Variants in AHCYL2 observed in about 807,000 individuals in gnomAD.
AHCYL2 encodes adenosylhomocysteinase like 2, also known as S-adenosylhomocysteine hydrolase-like protein 2.
In AHCYL2, 28 loss-of-function variants were observed where a neutral mutation model predicts 81.4. That is an observed-to-expected ratio of 0.34 (90% confidence interval 0.25 to 0.47). The LOEUF is 0.47. Among genes scored for constraint, AHCYL2 ranks in the 20% least tolerant of loss-of-function variants. AHCYL2 has a pLI of 1.00. For missense variants in AHCYL2, 551 were observed against 785.1 expected, an observed-to-expected ratio of 0.70 and a Z score of 3.56; for synonymous variants, 272 against 290.2, an observed-to-expected ratio of 0.94 and a Z score of 0.64.
chr7:129,379,748 A>G lies in AHCYL2; in HGVS notation c.474A>G (p.Ser158=), dbSNP rs746235299. Residue 158 remains serine, a splice_region_variant and synonymous_variant, in exon 2 of 17, where the codon TCA becomes TCG. Coordinates refer to ENST00000325006, the MANE Select transcript of AHCYL2 (RefSeq NM_015328.4). Reference sequence around the variant, plus strand: ...AGTCATCTACTGACAGCTACAGCTCAGGTGAGTACTGAACTGCTGTGGACC... The same window carrying G: ...AGTCATCTACTGACAGCTACAGCTCGGGTGAGTACTGAACTGCTGTGGACC... ...ISQSSTDSYS[S]AASYTDSSDD... is the part of the protein sequence containing the mutation. The G allele has an allele frequency of 1.9e-6, 3 of 1,609,780 alleles. No homozygotes were observed. The highest frequency in any genetic ancestry group is 1.3e-5 in the African/African-American group (1 of 74,968).
intron 6 of AHCYL2, 128 bp downstream of exon 6, chr7:129,400,512 G>C: frequency 2.5e-6 from 2 of 787,482 alleles, no homozygotes; most frequent in Non-Finnish European, 4.0e-6. Flanking sequence ...TGATATACCT[G>C]GGTTTCCAGC....
At chr7:129,425,168 C>T in intron 15 of AHCYL2, 27 bp downstream of exon 15, 1 of 1,597,172 alleles carries the variant, frequency 6.3e-7, no homozygotes, top group Non-Finnish European at 8.6e-7. Context: ...CCATCTCCAT[C>T]CTTACCAAAG....
intron 1 of AHCYL2, among the ~76,000 whole-genome samples, chr7:129,245,044 T>G (rs1021418931): frequency 5.4e-4 from 63 of 116,286 alleles, no homozygotes; most frequent in Non-Finnish European, 9.4e-4. Flanking sequence ...TTTTTTTTTT[T>G]GACAGAGTCT....
intron 1 of AHCYL2, among the ~76,000 whole-genome samples, chr7:129,345,886 G>C (rs995935738): frequency 1.3e-5 from 2 of 152,108 alleles, no homozygotes; most frequent in Non-Finnish European, 2.9e-5. Flanking sequence ...CAGGTTTGGG[G>C]GGGTAAGATG....
chr7:129,305,668 C>T lies in AHCYL2; in HGVS notation c.364-73970C>T, dbSNP rs144699715. On this transcript the variant is annotated intron_variant, in intron 1 of 16. Coordinates refer to ENST00000325006, the MANE Select transcript of AHCYL2 (RefSeq NM_015328.4). ...CAAAAACACTTGAATCTGTGTTCTTCTGTGTACTATTACCAGTGAGTTTTA... is the reference window on the plus strand; with the variant it reads ...CAAAAACACTTGAATCTGTGTTCTTTTGTGTACTATTACCAGTGAGTTTTA... 1.4e-4 allele frequency among the ~76,000 whole-genome samples: 22 copies of T among 152,236 alleles called. No homozygotes were observed. In the East Asian group the frequency reaches 4.0e-3, roughly 28 times the overall value.
intron 1 of AHCYL2, among the ~76,000 whole-genome samples, chr7:129,297,201 C>A (rs1218738610): frequency 1.3e-5 from 2 of 152,134 alleles, no homozygotes; most frequent in Non-Finnish European, 1.5e-5. Flanking sequence ...CTGAAAACAT[C>A]ACTGTTTATT....
At chr7:129,425,331 G>A (rs531463178) in intron 15 of AHCYL2, among the ~76,000 whole-genome samples, 190 bp downstream of exon 15, 2 of 152,108 alleles carry the variant, frequency 1.3e-5, no homozygotes, top group African/African-American at 4.8e-5. Context: ...TTGCCCTAGC[G>A]AAGTTGTGAT....
In AHCYL2 at chr7:129,422,902, A is replaced by G. The variant is rs1797181673; in HGVS notation, c.1524A>G (p.Ile508Met). 6.2e-7 allele frequency: 1 copy of G among 1,614,178 alleles called. No homozygotes were observed. ...TGAGATCTCAAGTTGACCATGTGAT[A>G]TGGCCTGATGGCAAGAGGATAGTAC... ...ERVRSQVDHV[I>M]WPDGKRIVLL... Residue 508 changes from isoleucine (I) to methionine (M), a missense_variant, in exon 13 of 17, where the codon ATA becomes ATG. Physicochemically the swap from Ile to Met is conservative, Grantham distance 10 (BLOSUM62 1). Around this residue, in one of 2 missense-constraint regions of AHCYL2, gnomAD observed 316 missense variants for 543.1 expected, o/e 0.58. Transcript: ENST00000325006.
intron 1 of AHCYL2, among the ~76,000 whole-genome samples, chr7:129,274,567 T>G (rs1455116153): frequency 6.6e-6 from 1 of 152,212 alleles, no homozygotes; most frequent in African/African-American, 2.4e-5. Flanking sequence ...CCCTTGAATC[T>G]GGGCTGGCTT....
At chr7:129,383,711 C>G (rs999073562) in intron 2 of AHCYL2, among the ~76,000 whole-genome samples, 2 of 152,194 alleles carry the variant, frequency 1.3e-5, no homozygotes, top group African/African-American at 4.8e-5. Context: ...CCGAGATGTT[C>G]ATTTCACTCT....
intron 4 of AHCYL2, among the ~76,000 whole-genome samples, chr7:129,390,237 A>G (rs949704969): frequency 6.6e-6 from 1 of 152,240 alleles, no homozygotes; most frequent in Non-Finnish European, 1.5e-5. Flanking sequence ...AAGAAATATA[A>G]CAACTATTTA....
intron 1 of AHCYL2, among the ~76,000 whole-genome samples, chr7:129,293,563 A>G (rs1482871183): frequency 6.6e-6 from 1 of 152,064 alleles, no homozygotes; most frequent in African/African-American, 2.4e-5. Context: ...CTATAGTCCC[A>G]GTTACTAGGG....
rs1455356767 is a variant in AHCYL2 at position 129,246,731 on chromosome 7, A to G, written c.363+21292A>G. ...AGGCAAGTCTCAAACTCCTGGGCTC[A>G]AGTGATCCACCTGCCTCAGCTTCCC... is the stretch of plus-strand genomic sequence containing the variant. On this transcript the variant is annotated intron_variant, in intron 1 of 16. Coordinates refer to ENST00000325006, the MANE Select transcript of AHCYL2 (RefSeq NM_015328.4). Among the ~76,000 whole-genome samples the G allele has an allele frequency of 2.6e-5, 4 of 152,124 alleles. No individual in the cohort carries two copies. In the East Asian group the frequency reaches 7.7e-4, roughly 29 times the overall value.
At chr7:129,316,321 C>G (rs1797823064) in intron 1 of AHCYL2, among the ~76,000 whole-genome samples, 1 of 152,114 alleles carries the variant, frequency 6.6e-6, no homozygotes, top group Admixed American at 6.5e-5. Context: ...GAGAGACACT[C>G]CCAAATATTT....
chr7:129,339,317 T>TAA (rs1793076333), intron 1 of AHCYL2, among the ~76,000 whole-genome samples: 1 of 152,216 alleles, frequency 6.6e-6, no homozygotes, highest in South Asian at 2.1e-4. Flanking sequence ...CTCTCAAACC[T>TAA]AAAAATGTAT....
intron 2 of AHCYL2, chr7:129,388,765 A>G (rs1421324630): frequency 3.5e-6 from 1 of 284,840 alleles, no homozygotes; most frequent in East Asian, 7.4e-5. Context: ...AGGAACTTTA[A>G]CCTAATGCTA....
chr7:129,373,820 G>C (rs1054449096), intron 1 of AHCYL2, among the ~76,000 whole-genome samples: 1 of 152,198 alleles, frequency 6.6e-6, no homozygotes, highest in African/African-American at 2.4e-5. Flanking sequence ...ATTCTTGTTA[G>C]GAGGAGCAAA....
intron 1 of AHCYL2, among the ~76,000 whole-genome samples, chr7:129,366,631 C>T (rs1175881603): frequency 2.0e-5 from 3 of 152,040 alleles, no homozygotes; most frequent in African/African-American, 7.2e-5. Context: ...ACAAAGTTAG[C>T]CGGGCGTGGT....
At chr7:129,403,604 C>T in intron 7 of AHCYL2, 119 bp downstream of exon 7, 1 of 498,870 alleles carries the variant, frequency 2.0e-6, no homozygotes, top group Non-Finnish European at 3.4e-6. Context: ...TGGCTCACGC[C>T]TGTAATCCCA....
Sources: gnomAD v4.1 joint callset for allele counts (sites outside exome capture counted in the v4.1 genomes callset) on GRCh38, gnomAD v4.1.1 for gene constraint, gnomAD v4.1.1 regional missense constraint, MANE v1.5 for transcripts, NCBI Gene and HGNC (gene_info 2026-07-23, HGNC 2026-07-21) for gene names.